The following CCSER1 variants were observed in gnomAD, a reference collection of about 807,000 sequenced individuals.
CCSER1 encodes the protein coiled-coil serine rich protein 1, also known as serine-rich coiled-coil domain-containing protein 1.
A neutral mutation model predicts 82.0 loss-of-function variants in CCSER1; 41 were observed. The ratio of observed to expected loss-of-function variants is 0.50; its 90% CI spans 0.39 to 0.65. CCSER1 has a LOEUF of 0.65. Ranked by LOEUF, CCSER1 falls within the 30% of genes least tolerant of loss-of-function variation. The probability of loss-of-function intolerance (pLI) is 0.00; values close to 1 mark genes in which losing one functional copy is unlikely to be tolerated. For missense variants in CCSER1, 1,119 were observed against 1,064.2 expected (o/e 1.05, Z -0.72); for synonymous variants, 414 against 383.9 (o/e 1.08, Z -0.92).
At chr4:90,477,103 A>G (rs1003087649) in intron 5 of CCSER1, among the ~76,000 whole-genome samples, 5 of 152,214 alleles carry the variant, frequency 3.3e-5, no homozygotes, top group Non-Finnish European at 5.9e-5. Context: ...TCCCATGAAA[A>G]AAATCGATTT....
In CCSER1 at chr4:90,508,581, C is replaced by G. The variant is rs551483087; in HGVS notation, c.1724+40227C>G. Among the ~76,000 whole-genome samples the G allele has an allele frequency of 7.3e-4, 111 of 152,116 alleles. 4 individuals carry two copies. The South Asian group carries it at 0.021, about 28-fold the overall frequency. On this transcript the variant is annotated intron_variant, in intron 5 of 10. Coordinates refer to ENST00000509176, the MANE Select transcript of CCSER1 (RefSeq NM_001145065.2). ...AACTCTAAGTGATTCCATATGTCCT[C>G]CTATTGAAAATCATTAATTCCGAGC... is the stretch of plus-strand genomic sequence containing the variant.
At chr4:90,301,213 C>T (rs1052539822) in intron 1 of CCSER1, among the ~76,000 whole-genome samples, 6 of 151,998 alleles carry the variant, frequency 3.9e-5, no homozygotes, top group Admixed American at 6.6e-5. Flanking sequence ...ATTAATGATC[C>T]ATATCCAAAT....
At chr4:90,604,672 A>T (rs1784412660) in intron 5 of CCSER1, among the ~76,000 whole-genome samples, 2 of 152,082 alleles carry the variant, frequency 1.3e-5, no homozygotes, top group African/African-American at 4.8e-5. Context: ...TGTCTAGCTA[A>T]AGGTTTGTAA....
chr4:90,455,399 G>A (rs1416634298), intron 4 of CCSER1, among the ~76,000 whole-genome samples: 1 of 152,134 alleles, frequency 6.6e-6, no homozygotes, highest in Non-Finnish European at 1.5e-5. Context: ...TTCTGGAAGA[G>A]AGAACAGAGG....
At chr4:90,300,731 G>A (rs1364013996) in intron 1 of CCSER1, among the ~76,000 whole-genome samples, 3 of 152,176 alleles carry the variant, frequency 2.0e-5, no homozygotes, top group Non-Finnish European at 4.4e-5. Context: ...ACCTATTTAA[G>A]TGTATGGTAG....
chr4:90,178,345 A>T (rs919784483), intron 1 of CCSER1, among the ~76,000 whole-genome samples: 1 of 152,118 alleles, frequency 6.6e-6, no homozygotes, highest in East Asian at 1.9e-4. Flanking sequence ...GTTTTGGTAA[A>T]TGGAAACAAT....
chr4:90,890,552 G>A (rs945810879), intron 8 of CCSER1, among the ~76,000 whole-genome samples: 6 of 152,142 alleles, frequency 3.9e-5, no homozygotes, highest in African/African-American at 1.4e-4. Context: ...AAAAACATGG[G>A]CATGCCCAGC....
chr4:90,470,773 AAAAAAAAAC>A (rs1373288147), intron 5 of CCSER1, among the ~76,000 whole-genome samples: 4 of 150,644 alleles, frequency 2.7e-5, no homozygotes, highest in African/African-American at 9.9e-5. Flanking sequence ...AAAAAAAAAA[AAAAAAAAAC>A]AAAACACCCA....
chr4:91,196,141 T>C (rs1406803736), intron 10 of CCSER1, among the ~76,000 whole-genome samples: 1 of 145,778 alleles, frequency 6.9e-6, no homozygotes. Flanking sequence ...GAGCAGAGAT[T>C]GCTCCACAGC....
At chr4:90,589,615 T>TA (rs1307456531) in intron 5 of CCSER1, among the ~76,000 whole-genome samples, 1 of 152,154 alleles carries the variant, frequency 6.6e-6, no homozygotes, top group Non-Finnish European at 1.5e-5. Context: ...GATCTATTCT[T>TA]ACATTTATTA....
intron 8 of CCSER1, among the ~76,000 whole-genome samples, chr4:90,845,881 C>A (rs1371470140): frequency 6.6e-6 from 1 of 150,620 alleles, no homozygotes; most frequent in Non-Finnish European, 1.5e-5. Flanking sequence ...GGACTTGTAA[C>A]TTATTTTCTC....
intron 5 of CCSER1, among the ~76,000 whole-genome samples, chr4:90,574,511 A>G (rs932806997): frequency 6.8e-6 from 1 of 147,536 alleles, no homozygotes; most frequent in Non-Finnish European, 1.5e-5. Context: ...CTCATGATCC[A>G]CCCGCCTCGG....
intron 7 of CCSER1, among the ~76,000 whole-genome samples, chr4:90,775,630 T>G (rs1414274625): frequency 1.3e-5 from 2 of 152,192 alleles, no homozygotes; most frequent in Non-Finnish European, 2.9e-5. Context: ...ATATGTAGAT[T>G]TCACAATTAA....
At position 90,936,482 on chromosome 4, in the gene CCSER1, T is replaced by G. The variant is rs188146524; in HGVS notation, c.2172+13035T>G. ...TGACACAGATGGATTAAGTTTTTTTTGTCCACTTCACATCACAAATACTAA... is the reference window on the plus strand; with the variant it reads ...TGACACAGATGGATTAAGTTTTTTTGGTCCACTTCACATCACAAATACTAA... On this transcript the variant is annotated intron_variant, in intron 9 of 10. Transcript: ENST00000509176. Among the ~76,000 whole-genome samples, 106 of 152,270 alleles carry G rather than the reference T, an allele frequency of 7.0e-4. 1 individual carries two copies. The highest frequency in any genetic ancestry group is 2.4e-3 in the African/African-American group (99 of 41,576).
intron 10 of CCSER1, among the ~76,000 whole-genome samples, chr4:91,177,030 G>T (rs187440578): frequency 3.9e-5 from 6 of 152,100 alleles, no homozygotes; most frequent in East Asian, 1.9e-4. Flanking sequence ...TAGCATGAAG[G>T]GCTGTTGAAT....
intron 7 of CCSER1, among the ~76,000 whole-genome samples, chr4:90,806,128 T>C (rs1265887515): frequency 6.6e-6 from 1 of 152,220 alleles, no homozygotes; most frequent in Non-Finnish European, 1.5e-5. Context: ...TTTATGTGAA[T>C]GTTGCCACTG....
Position 91,245,804 on chromosome 4 carries a change from C to T in CCSER1, c.2217+159810C>T, listed in dbSNP as rs549533125. On this transcript the variant is annotated intron_variant, in intron 10 of 10. Coordinates refer to ENST00000509176, the MANE Select transcript of CCSER1 (RefSeq NM_001145065.2). ...CTCTGCCTCCCAGGTTCAAACGATTCTCCTGCCTCAGCCTCCTGAGTAGCT... is the reference window on the plus strand; with the variant it reads ...CTCTGCCTCCCAGGTTCAAACGATTTTCCTGCCTCAGCCTCCTGAGTAGCT... Among the ~76,000 whole-genome samples, 3 of 152,310 alleles carry T rather than the reference C, an allele frequency of 2.0e-5. No individual in the cohort carries two copies. In the South Asian group the frequency reaches 6.2e-4, roughly 32 times the overall value.
chr4:91,278,177 G>A (rs1386705441), intron 10 of CCSER1, among the ~76,000 whole-genome samples: 1 of 152,084 alleles, frequency 6.6e-6, no homozygotes, highest in African/African-American at 2.4e-5. Flanking sequence ...ATCCGTAAAT[G>A]TCTGCTAGGT....
At chr4:91,347,384 G>A (rs1254956781) in intron 10 of CCSER1, among the ~76,000 whole-genome samples, 1 of 151,962 alleles carries the variant, frequency 6.6e-6, no homozygotes, top group Non-Finnish European at 1.5e-5. Flanking sequence ...GTATCTTGAA[G>A]TTTGGTAGTA....
Sources: allele counts gnomAD v4.1 joint callset (sites outside exome capture counted in the v4.1 genomes callset), GRCh38; gene constraint gnomAD v4.1.1; transcripts MANE v1.5; gene names NCBI Gene and HGNC (gene_info 2026-07-23, HGNC 2026-07-21).